KLHDC4: variants seen among roughly 807,000 people sequenced by gnomAD.
The protein encoded by KLHDC4 is kelch domain containing 4, also known as kelch domain-containing protein 4.
Under a neutral mutation model 62.4 loss-of-function variants are expected in KLHDC4, and 90 were observed. That is an observed-to-expected ratio of 1.44 (90% CI 1.22 to 1.72). KLHDC4 has a LOEUF of 1.72. Among genes scored for constraint, KLHDC4 ranks in the 40% most tolerant of loss-of-function variants. The probability of loss-of-function intolerance (pLI) is 0.00; values close to 1 mark genes in which losing one functional copy is unlikely to be tolerated. For synonymous variants in KLHDC4, 386 were observed against 284.4 expected, an observed-to-expected ratio of 1.36 and a Z score of -3.59; for missense variants, 1,025 against 699.7, an observed-to-expected ratio of 1.47 and a Z score of -5.25.
chr16:87,714,349 A>AC, intron 8 of KLHDC4, 149 bp downstream of exon 8: 6 of 121,104 alleles, frequency 5.0e-5, no homozygotes, highest in Non-Finnish European at 7.0e-5. Context: ...CACCCGGCCC[A>AC]CCCCGAAATG....
chr16:87,761,684 C>A (rs2045916830), intron 2 of KLHDC4, among the ~76,000 whole-genome samples: 1 of 152,098 alleles, frequency 6.6e-6, no homozygotes. Context: ...CTTTCATCCC[C>A]ACGTCACGAC....
chr16:87,730,933 A>T, intron 5 of KLHDC4: 1 of 248,836 alleles, frequency 4.0e-6, no homozygotes, highest in South Asian at 7.5e-5. Context: ...CTCCGCCAAC[A>T]TAAAAAACTT....
chr16:87,729,028 C>A (rs1405884337), intron 6 of KLHDC4, among the ~76,000 whole-genome samples: 1 of 152,124 alleles, frequency 6.6e-6, no homozygotes, highest in Non-Finnish European at 1.5e-5. Flanking sequence ...CCACCCACCT[C>A]AGCCTCCCAA....
At chr16:87,745,094 G>C (rs1015114376) in intron 5 of KLHDC4, among the ~76,000 whole-genome samples, 8 of 152,214 alleles carry the variant, frequency 5.3e-5, no homozygotes, top group African/African-American at 1.9e-4. Context: ...CATTTCTTTA[G>C]GGTATAATCC....
Position 87,761,920 on chromosome 16 carries a change from A to G in KLHDC4, c.191+29T>C, listed in dbSNP as rs764812549. The G allele has an allele frequency of 1.0e-5, 16 of 1,605,986 alleles. No homozygotes were observed. The African/African-American group carries it at 1.1e-4, about 11-fold the overall frequency. The stretch of plus-strand genomic sequence containing the variant: ...TTCAATGTATAGAAGAAAAGGAAAC[A>G]TACAATATGAAAAATGCTACTTGCT... On this transcript the variant is annotated intron_variant, in intron 2 of 11. Coordinates refer to ENST00000270583, the MANE Select transcript of KLHDC4 (RefSeq NM_017566.4).
rs948434467 is a variant in KLHDC4, at chr16:87,715,197, C to T, written c.760-624G>A. 5.9e-5 allele frequency among the ~76,000 whole-genome samples: 9 copies of T among 152,328 alleles called. No individual in the cohort carries two copies. The South Asian group carries it at 8.3e-4, about 14-fold the overall frequency. ...TGAGGGAGATAGCCAGCAAAACGCT[C>T]ACCCTGGGTGGAGGGCCCCCATCCA... On this transcript the variant is annotated intron_variant, in intron 7 of 11. Transcript: ENST00000270583.
At chr16:87,714,712 C>A in intron 7 of KLHDC4, 139 bp from the exon 8 acceptor site, 1 of 870,640 alleles carries the variant, frequency 1.1e-6, no homozygotes. Flanking sequence ...CCAAAGCGTG[C>A]CTGCAGTGTG....
chr16:87,718,297 C>G (rs980332359), intron 7 of KLHDC4, among the ~76,000 whole-genome samples: 1 of 123,978 alleles, frequency 8.1e-6, no homozygotes, highest in Admixed American at 8.1e-5. Flanking sequence ...CTCCCTCTCC[C>G]TCTCCCTCCC....
intron 7 of KLHDC4, among the ~76,000 whole-genome samples, chr16:87,722,272 G>A (rs186941419): frequency 7.2e-5 from 11 of 152,316 alleles, no homozygotes; most frequent in East Asian, 1.9e-4. Flanking sequence ...TCGTGGCAGC[G>A]CAGAGCCTGG....
intron 5 of KLHDC4, among the ~76,000 whole-genome samples, chr16:87,735,931 G>T (rs560201371): frequency 6.6e-6 from 1 of 152,208 alleles, no homozygotes; most frequent in African/African-American, 2.4e-5. Context: ...TACATGCTTA[G>T]GGTACAGTCA....
At chr16:87,744,958 C>T (rs779838521) in intron 5 of KLHDC4, among the ~76,000 whole-genome samples, 17 of 146,030 alleles carry the variant, frequency 1.2e-4, no homozygotes, top group East Asian at 6.1e-4. Flanking sequence ...TATGCTCACA[C>T]GTGCACACAT....
chr16:87,765,629 G>C lies in KLHDC4; in HGVS notation c.99+163C>G, dbSNP rs573843098. Among the ~76,000 whole-genome samples, 4 of 152,226 alleles carry C rather than the reference G, an allele frequency of 2.6e-5. No homozygotes were observed. In the South Asian group the frequency reaches 8.3e-4, roughly 32 times the overall value. ...ACTCAGGAGGGGGCGGGCCCCGTCT[G>C]GGCTGCCCGGACGCGGCGCCGGGGC... On this transcript the variant is annotated intron_variant, in intron 1 of 11. Coordinates refer to ENST00000270583, the MANE Select transcript of KLHDC4 (RefSeq NM_017566.4).
chr16:87,702,121 A>G (rs1177033294), exon 1 of KLHDC4: 1 of 455,942 alleles, frequency 2.2e-6, no homozygotes, highest in Non-Finnish European at 4.4e-6. Context: ...AGCTTCCCGC[A>G]TGATCGTGTG....
exon 1 of KLHDC4, chr16:87,700,262 T>G (rs1459441879): frequency 6.5e-6 from 1 of 154,872 alleles, no homozygotes; most frequent in South Asian, 2.0e-4. Context: ...AAACTTGACA[T>G]CAAGGTGCCT....
intron 5 of KLHDC4, among the ~76,000 whole-genome samples, chr16:87,748,265 G>A (rs1430591532): frequency 1.3e-5 from 2 of 152,116 alleles, no homozygotes; most frequent in East Asian, 1.9e-4. Context: ...CCAGCTCCAC[G>A]GTTTCTACAC....
At chr16:87,732,400 G>C (rs1597589794) in intron 5 of KLHDC4, among the ~76,000 whole-genome samples, 2 of 152,248 alleles carry the variant, frequency 1.3e-5, no homozygotes, top group African/African-American at 4.8e-5. Context: ...CTGGTCAGGT[G>C]TGTATATTTC....
chr16:87,706,714 G>C (rs932131664), downstream of KLHDC4, among the ~76,000 whole-genome samples: 1 of 152,204 alleles, frequency 6.6e-6, no homozygotes, highest in African/African-American at 2.4e-5. Flanking sequence ...CTGAACACCC[G>C]GCTGCACCAG....
chr16:87,737,128 A>AAAAAAAAAAAAAC (rs2041460248), intron 5 of KLHDC4, among the ~76,000 whole-genome samples: 1 of 150,830 alleles, frequency 6.6e-6, no homozygotes, highest in African/African-American at 2.4e-5. Context: ...AAAAAAAAAA[A>AAAAAAAAAAAAAC]AGATAAGAAA....
chr16:87,708,680 T>G (rs1372527762), intron 10 of KLHDC4: 4 of 413,740 alleles, frequency 9.7e-6, no homozygotes. Context: ...ACGGCAAACA[T>G]GCAAAAGCAC....
Sources: gnomAD v4.1 joint callset for allele counts (sites outside exome capture counted in the v4.1 genomes callset) on GRCh38, gnomAD v4.1.1 for gene constraint, MANE v1.5 for transcripts, NCBI Gene and HGNC (gene_info 2026-07-23, HGNC 2026-07-21) for gene names.